Variants in PCDHGA1 observed in about 807,000 individuals in gnomAD.
The protein encoded by PCDHGA1 is protocadherin gamma subfamily A, 1.
A neutral mutation model predicts 58.0 loss-of-function variants in PCDHGA1; 32 were observed. The ratio of observed to expected loss-of-function variants is 0.55; its 90% CI spans 0.42 to 0.74. The LOEUF is 0.74. Ranked by LOEUF, PCDHGA1 falls within the 30% of genes least tolerant of loss-of-function variation. The pLI is 0.00. For synonymous variants in PCDHGA1, 498 were observed against 501.1 expected (o/e 0.99, Z 0.08); for missense variants, 1,205 against 1,182.3 (o/e 1.02, Z -0.28).
chr5:141,455,148 A>G (rs6897410), intron 1 of PCDHGA1, among the ~76,000 whole-genome samples: 9,268 of 149,002 alleles, frequency 0.062, 567 homozygotes, highest in African/African-American at 0.16. Flanking sequence ...TTAAATAAAT[A>G]TTAGTTTGTT....
At chr5:141,405,603 T>A in intron 1 of PCDHGA1, 1 of 571,444 alleles carries the variant, frequency 1.7e-6, no homozygotes, top group Non-Finnish European at 3.1e-6. Flanking sequence ...CCAAGTAGAA[T>A]AACTGGGACT....
At chr5:141,423,533 T>C (rs2096751691) in intron 1 of PCDHGA1, 1 of 1,613,650 alleles carries the variant, frequency 6.2e-7, no homozygotes, top group Non-Finnish European at 8.5e-7. Flanking sequence ...AAGAGTCACC[T>C]GATTTTCCCC....
At position 141,403,190 on chromosome 5, in the gene PCDHGA1, C is replaced by G. The variant is rs768673759; in HGVS notation, c.2421+70085C>G. The G allele has an allele frequency of 1.1e-5, 17 of 1,613,864 alleles. No homozygotes were observed. The African/African-American group carries it at 2.0e-4, about 19-fold the overall frequency. On this transcript the variant is annotated intron_variant, in intron 1 of 3. Coordinates refer to ENST00000517417, the MANE Select transcript of PCDHGA1 (RefSeq NM_018912.3). ...GACGCAGCTTTTCTCTCTGAACCCG[C>G]GCAGCGGCACCTTGGTCACCGCGGG...
At chr5:141,378,732 A>G (rs1311282729) in intron 1 of PCDHGA1, 1 of 152,232 alleles carries the variant, frequency 6.6e-6, no homozygotes, top group Admixed American at 6.5e-5. Context: ...CTCTTTATTG[A>G]AATATTTCAA....
At chr5:141,341,025 A>G (rs1389354782) in intron 1 of PCDHGA1, 36 of 1,613,234 alleles carry the variant, frequency 2.2e-5, no homozygotes, top group Non-Finnish European at 3.0e-5. Context: ...GCCATACCCA[A>G]CGATTCGGAC....
chr5:141,341,331 A>C, intron 1 of PCDHGA1: 1 of 1,614,256 alleles, frequency 6.2e-7, no homozygotes, highest in Non-Finnish European at 8.5e-7. Flanking sequence ...AGCTGTGAGA[A>C]AAAGGATTTT....
intron 1 of PCDHGA1, chr5:141,419,144 A>G: frequency 6.2e-7 from 1 of 1,613,940 alleles, no homozygotes; most frequent in South Asian, 1.1e-5. Context: ...AGACAGGGGC[A>G]AGCCTCCGTT....
rs574920194 is a variant in PCDHGA1 at position 141,364,921 on chromosome 5, A to C, written c.2421+31816A>C. ...AAAAGTATCCGGAGCTGGTGTTGGA[A>C]CAGCCCCTAGACCGCGAGAAAGAGA... On this transcript the variant is annotated intron_variant, in intron 1 of 3. Coordinates refer to ENST00000517417, the MANE Select transcript of PCDHGA1 (RefSeq NM_018912.3). 2.2e-5 allele frequency: 36 copies of C among 1,613,954 alleles called. No individual in the cohort carries two copies. In the African/African-American group the frequency reaches 3.6e-4, roughly 16 times the overall value.
Position 141,393,720 on chromosome 5 carries a change from A to T in PCDHGA1, c.2421+60615A>T, listed in dbSNP as rs371093729. ...TAATGAAAATACTGGGGAAATATCA[A>T]TAGCAAAAAGTCTAGATTATGAAGA... On this transcript the variant is annotated intron_variant, in intron 1 of 3. Transcript: ENST00000517417. 5.0e-6 allele frequency: 8 copies of T among 1,613,888 alleles called. No homozygotes were observed. The South Asian group carries it at 8.8e-5, about 18-fold the overall frequency.
In PCDHGA1 at chr5:141,431,616, A is replaced by G. The variant is rs776151297; in HGVS notation, c.2422-63191A>G. 1 of 1,614,250 alleles carries G rather than the reference A, an allele frequency of 6.2e-7. No individual in the cohort carries two copies. Among genetic ancestry groups the G allele is most frequent in the Non-Finnish European group, 8.5e-7 (1 of 1,180,042 alleles). ...AGGTATTCCTTCCGGTATGTGGACG[A>G]CAAGGCGGCCCAAGTTTTCAAACTA... On this transcript the variant is annotated intron_variant, in intron 1 of 3. Transcript: ENST00000517417. This position sits in a 1 kb window ranked among gnomAD's most constrained non-coding sequence, Gnocchi z 4.8.
intron 1 of PCDHGA1, chr5:141,398,938 G>A: frequency 6.2e-7 from 1 of 1,613,958 alleles, no homozygotes; most frequent in African/African-American, 1.3e-5. Context: ...TGACCAAGAC[G>A]AGGGCATCAA....
intron 1 of PCDHGA1, among the ~76,000 whole-genome samples, chr5:141,460,976 T>C (rs1444476508): frequency 7.6e-6 from 1 of 131,636 alleles, no homozygotes; most frequent in Non-Finnish European, 1.6e-5. Flanking sequence ...TGTGTGTGTG[T>C]GTGTGTGTAT....
chr5:141,399,867 C>T (rs766258677), intron 1 of PCDHGA1: 17 of 1,612,738 alleles, frequency 1.1e-5, no homozygotes, highest in South Asian at 3.3e-5. Context: ...CTGCAGAGCC[C>T]GGCTACCTGG....
At chr5:141,399,952 G>A in intron 1 of PCDHGA1, 1 of 1,612,186 alleles carries the variant, frequency 6.2e-7, no homozygotes, top group Non-Finnish European at 8.5e-7. Flanking sequence ...GCAGGCTAGC[G>A]AGCCCGGGCT....
At chr5:141,392,833 G>A (rs750632906) in intron 1 of PCDHGA1, 39 of 1,604,260 alleles carry the variant, frequency 2.4e-5, no homozygotes, top group Non-Finnish European at 2.8e-5. Context: ...CCACAGAGTC[G>A]CCCCAGACGC....
intron 1 of PCDHGA1, chr5:141,418,820 G>A: frequency 6.2e-7 from 1 of 1,613,918 alleles, no homozygotes. Flanking sequence ...AAACATAGAA[G>A]CAAAAGACCG....
chr5:141,510,568 G>C (rs2099881703), intron 3 of PCDHGA1, among the ~76,000 whole-genome samples: 1 of 152,100 alleles, frequency 6.6e-6, no homozygotes, highest in Non-Finnish European at 1.5e-5. Context: ...CATCTACCAG[G>C]CACTATTTTA....
At chr5:141,336,431 A>G (rs945485279) in intron 1 of PCDHGA1, among the ~76,000 whole-genome samples, 2 of 152,238 alleles carry the variant, frequency 1.3e-5, no homozygotes, top group African/African-American at 2.4e-5. Flanking sequence ...GCTCTACAAG[A>G]AAACATGGTG....
chr5:141,362,960 A>C (rs900471696), intron 1 of PCDHGA1, among the ~76,000 whole-genome samples: 10 of 152,248 alleles, frequency 6.6e-5, no homozygotes, highest in African/African-American at 2.4e-4. Context: ...GAAATTGGGA[A>C]ACAAAGAAGA....
Sources: gnomAD v4.1 joint callset for allele counts (sites outside exome capture counted in the v4.1 genomes callset) on GRCh38, gnomAD v4.1.1 for gene constraint, Gnocchi (gnomAD v3.1) non-coding constraint, MANE v1.5 for transcripts, NCBI Gene and HGNC (gene_info 2026-07-23, HGNC 2026-07-21) for gene names.